The following SF3B1 variants were observed in gnomAD, a reference collection of about 807,000 sequenced individuals.
SF3B1 encodes pre-mRNA processing 10.
Under a neutral mutation model 153.8 loss-of-function variants are expected in SF3B1, and 12 were observed. That is an observed-to-expected ratio of 0.08 (90% CI 0.05 to 0.13). SF3B1 has a LOEUF of 0.13. Among genes scored for constraint, SF3B1 ranks in the 10% least tolerant of loss-of-function variants. The pLI, the probability that SF3B1 is intolerant of heterozygous loss-of-function variation, is 1.00. For missense variants in SF3B1, 513 were observed against 1,606.1 expected, an observed-to-expected ratio of 0.32 and a Z score of 11.63; for synonymous variants, 498 against 525.2, an observed-to-expected ratio of 0.95 and a Z score of 0.71.
In SF3B1 at chr2:197,400,551, CAAATCTT is replaced by C; in HGVS notation, c.2719-124_2719-118del. 6 of 1,079,278 alleles carry C rather than the reference CAAATCTT, an allele frequency of 5.6e-6. No individual in the cohort carries two copies. The highest frequency in any genetic ancestry group is 7.9e-6 in the Non-Finnish European group (6 of 757,322). 66.9% of individuals were successfully genotyped at this position (1,079,278 alleles called of 1,614,324 possible). A position where few individuals can be genotyped will look rare whatever the true frequency, so the allele number is the denominator to read the frequency against. On this transcript the variant is annotated intron_variant, in intron 18 of 24. Transcript: ENST00000335508. The surrounding 1 kb of genome is among the most constrained non-coding windows in gnomAD (Gnocchi z 5.0). ...AACATCTGTTGCTGTTTTTTTACAT[CAAATCTT>C]AAAACTTGAGGTAGAATAATATCGT...
intron 1 of SF3B1, among the ~76,000 whole-genome samples, chr2:197,433,793 C>T (rs1353167080): frequency 3.9e-5 from 6 of 152,220 alleles, no homozygotes; most frequent in African/African-American, 7.2e-5. Context: ...CTCAAACACA[C>T]CTTTCACGAT....
chr2:197,406,741 G>C (rs1231359273), intron 9 of SF3B1, among the ~76,000 whole-genome samples: 3 of 152,094 alleles, frequency 2.0e-5, no homozygotes, highest in Non-Finnish European at 2.9e-5. Flanking sequence ...AAAGCTTTAA[G>C]GCAAAACTTC....
intron 1 of SF3B1, among the ~76,000 whole-genome samples, chr2:197,429,770 C>G (rs1379652714): frequency 6.8e-6 from 1 of 147,434 alleles, no homozygotes. Flanking sequence ...GACAACAGAG[C>G]AAGACTCTGT....
intron 4 of SF3B1, 194 bp from the exon 5 acceptor site, chr2:197,418,782 A>C: frequency 6.8e-7 from 1 of 1,472,674 alleles, no homozygotes; most frequent in Admixed American, 2.8e-5. Flanking sequence ...TTTGAACACA[A>C]ACATCTACAG....
intron 9 of SF3B1, 151 bp downstream of exon 9, chr2:197,407,847 A>G (rs1228175693): frequency 4.8e-6 from 3 of 630,168 alleles, no homozygotes; most frequent in Non-Finnish European, 8.1e-6. Context: ...TTTCATCTCT[A>G]TATGGAACTG....
intron 5 of SF3B1, among the ~76,000 whole-genome samples, chr2:197,417,575 T>TAAAAAA (rs56204414): frequency 3.0e-5 from 3 of 99,816 alleles, no homozygotes; most frequent in Non-Finnish European, 3.9e-5. Flanking sequence ...CCACCTCTAC[T>TAAAAAA]AAAAAAAAAA....
intron 6 of SF3B1, among the ~76,000 whole-genome samples, chr2:197,412,489 G>A (rs1177350650): frequency 1.3e-5 from 2 of 151,564 alleles, no homozygotes; most frequent in African/African-American, 2.4e-5. Context: ...CTGAGTAGCT[G>A]GGATTACAGG....
At chr2:197,408,808 A>C (rs367930494) in intron 7 of SF3B1, 3 of 512,486 alleles carry the variant, frequency 5.9e-6, no homozygotes, top group Non-Finnish European at 7.0e-6. Context: ...TTGTAATCCC[A>C]GCTACTCAGG....
intron 5 of SF3B1, among the ~76,000 whole-genome samples, chr2:197,417,575 T>TAAAAAAAA (rs56204414): frequency 2.1e-4 from 21 of 99,666 alleles, no homozygotes; most frequent in South Asian, 6.7e-4. Context: ...CCACCTCTAC[T>TAAAAAAAA]AAAAAAAAAA....
At chr2:197,430,744 G>A (rs556081319) in intron 1 of SF3B1, among the ~76,000 whole-genome samples, 5 of 151,980 alleles carry the variant, frequency 3.3e-5, no homozygotes, top group African/African-American at 4.8e-5. Flanking sequence ...GTAAGCCACC[G>A]TGCCCAGCCT....
chr2:197,392,581 G>GGGT (rs1553563303), intron 24 of SF3B1, 120 bp from the exon 25 acceptor site: 1 of 273,152 alleles, frequency 3.7e-6, no homozygotes. Flanking sequence ...GGGGGGGGGG[G>GGGT]AACCTACTAA....
At chr2:197,406,080 A>T (rs1194137609) in intron 9 of SF3B1, among the ~76,000 whole-genome samples, 2 of 139,888 alleles carry the variant, frequency 1.4e-5, no homozygotes, top group African/African-American at 2.6e-5. Context: ...TCACAAAGAA[A>T]TTTTTTTTTT....
chr2:197,401,258 T>A lies in SF3B1; in HGVS notation c.2496+142A>T. 1 of 797,272 alleles carries A rather than the reference T, an allele frequency of 1.3e-6. No individual in the cohort carries two copies. Among genetic ancestry groups the A allele is most frequent in the Non-Finnish European group, 2.0e-6 (1 of 495,962 alleles). The allele number at this position is 797,272 out of a possible 1,614,324, so 49.4% of individuals were successfully genotyped here. A position where few individuals can be genotyped will look rare whatever the true frequency, so the allele number is the denominator to read the frequency against. ...TCAAAATGGAAGTTAACTGGCTGAC[T>A]AAAATCCATCTCCTTTCATAATCAA... On this transcript the variant is annotated intron_variant, in intron 17 of 24. Coordinates refer to ENST00000335508, the MANE Select transcript of SF3B1 (RefSeq NM_012433.4). The surrounding 1 kb of genome is among the most constrained non-coding windows in gnomAD (Gnocchi z 4.2).
rs542119085 is a variant in SF3B1, at chr2:197,423,695, A to G, written c.195+113T>C. On this transcript the variant is annotated intron_variant, in intron 2 of 24. Transcript: ENST00000335508. The stretch of plus-strand genomic sequence containing the variant: ...ATACCTCCAGTAGTTTTATCCTCTA[A>G]AAGATCCCAAAAATGTTTCTCCAGA... 129 of 1,013,828 alleles carry G rather than the reference A, an allele frequency of 1.3e-4. 1 individual carries two copies. The highest frequency in any genetic ancestry group is 1.2e-3 in the South Asian group (76 of 64,874). The allele number at this position is 1,013,828 out of a possible 1,614,324, so 62.8% of individuals were successfully genotyped here. A position where few individuals can be genotyped will look rare whatever the true frequency, so the allele number is the denominator to read the frequency against.
At chr2:197,407,472 G>A (rs1379983630) in intron 9 of SF3B1, among the ~76,000 whole-genome samples, 4 of 152,174 alleles carry the variant, frequency 2.6e-5, no homozygotes, top group African/African-American at 9.6e-5. Flanking sequence ...GGGCATGGTG[G>A]TGGACACCTG....
chr2:197,404,319 C>A (rs2084965702), intron 11 of SF3B1, among the ~76,000 whole-genome samples: 1 of 152,122 alleles, frequency 6.6e-6, no homozygotes, highest in South Asian at 2.1e-4. Context: ...GTGGTTCACA[C>A]CTGTAATCCC....
intron 1 of SF3B1, among the ~76,000 whole-genome samples, chr2:197,424,433 G>A (rs1431147873): frequency 2.6e-5 from 4 of 151,494 alleles, no homozygotes; most frequent in Non-Finnish European, 5.9e-5. Flanking sequence ...CCCGGGAGGC[G>A]GAGGTTGCAG....
Position 197,420,477 on chromosome 2 carries a change from A to G in SF3B1, c.366T>C (p.His122=). 1.9e-6 allele frequency: 3 copies of G among 1,613,614 alleles called. No individual in the cohort carries two copies. The highest frequency in any genetic ancestry group is 2.2e-5 in the East Asian group (1 of 44,868). The stretch of plus-strand genomic sequence containing the variant: ...CTGGGGAAATTATCATGGTCCGCCT[A>G]TGCTTTTTGTATTCATCTTCCCGGT... The part of the protein sequence containing the change: ...IADREDEYKK[H]RRTMIISPER... The change falls in exon 4 of 25, where the codon CAT becomes CAC. Residue 122 remains histidine, a synonymous_variant. Coordinates refer to ENST00000335508, the MANE Select transcript of SF3B1 (RefSeq NM_012433.4).
In SF3B1 at chr2:197,423,789, T is replaced by G. The variant is rs2085287018; in HGVS notation, c.195+19A>C. The G allele has an allele frequency of 6.2e-7, 1 of 1,611,114 alleles. No individual in the cohort carries two copies. The highest frequency in any genetic ancestry group is 8.5e-7 in the Non-Finnish European group (1 of 1,178,892). ...CTCTCAAAAAAATAACTGCCTCTTG[T>G]ACATAATTTGTAACTTACATCTTCA... is the stretch of plus-strand genomic sequence containing the variant. On this transcript the variant is annotated intron_variant, in intron 2 of 24. Coordinates refer to ENST00000335508, the MANE Select transcript of SF3B1 (RefSeq NM_012433.4).
Sources: allele counts gnomAD v4.1 joint callset (sites outside exome capture counted in the v4.1 genomes callset), GRCh38; gene constraint gnomAD v4.1.1; non-coding constraint Gnocchi (gnomAD v3.1); transcripts MANE v1.5; gene names NCBI Gene and HGNC (gene_info 2026-07-23, HGNC 2026-07-21).